Variants in MTUS2 observed in about 807,000 individuals in gnomAD.
The protein encoded by MTUS2 is microtubule-associated tumor suppressor candidate 2.
In MTUS2, 40 loss-of-function variants were observed where a neutral mutation model predicts 114.1. The observed-to-expected ratio is 0.35, with a 90% CI of 0.27 to 0.46. MTUS2 has a LOEUF of 0.46. Ranked by LOEUF, MTUS2 falls within the 20% of genes least tolerant of loss-of-function variation. The probability of loss-of-function intolerance (pLI) is 1.00; values close to 1 mark genes in which losing one functional copy is unlikely to be tolerated. For missense variants in MTUS2, 1,679 were observed against 1,705.4 expected, an observed-to-expected ratio of 0.98 and a Z score of 0.27; for synonymous variants, 688 against 672.0, an observed-to-expected ratio of 1.02 and a Z score of -0.37.
intron 5 of MTUS2, among the ~76,000 whole-genome samples, chr13:29,232,931 A>G (rs1896390306): frequency 6.6e-6 from 1 of 152,158 alleles, no homozygotes; most frequent in African/African-American, 2.4e-5. Context: ...TTTCAACTGA[A>G]TTAGGAGGGA....
At chr13:28,847,996 A>G (rs1354790768) in intron 2 of MTUS2, among the ~76,000 whole-genome samples, 1 of 152,036 alleles carries the variant, frequency 6.6e-6, no homozygotes, top group Admixed American at 6.6e-5. Context: ...CTCACTATAC[A>G]CTTATCTGCA....
At chr13:29,260,932 A>G (rs1462025200) in intron 5 of MTUS2, among the ~76,000 whole-genome samples, 2 of 152,132 alleles carry the variant, frequency 1.3e-5, no homozygotes, top group East Asian at 1.9e-4. Context: ...ACAGGGCAGC[A>G]CTCCTGCCCC....
intron 5 of MTUS2, among the ~76,000 whole-genome samples, chr13:29,260,849 T>C (rs962934558): frequency 6.6e-6 from 1 of 152,184 alleles, no homozygotes; most frequent in African/African-American, 2.4e-5. Context: ...AACTTGGGTA[T>C]GGAGAGAAAG....
rs144759976 is a variant in MTUS2, at chr13:29,197,605, T to G, written c.2645-84099T>G. Among the ~76,000 whole-genome samples the G allele has an allele frequency of 6.5e-3, 996 of 152,328 alleles. 11 individuals are homozygous for G. Among genetic ancestry groups the G allele is most frequent in the African/African-American group, 0.022 (934 of 41,558 alleles). ...AATGGGATCGCTGGGTCAAATGGTA[T>G]TTCTGGTTCTGAATCCTTGAGGAAT... On this transcript the variant is annotated intron_variant, in intron 5 of 15. Transcript: ENST00000612955.
intron 7 of MTUS2, among the ~76,000 whole-genome samples, chr13:29,337,742 C>T (rs1353809308): frequency 1.3e-5 from 2 of 151,146 alleles, no homozygotes; most frequent in Non-Finnish European, 2.9e-5. Flanking sequence ...GCTAGGACTA[C>T]AGGTGCCTGC....
At chr13:28,904,360 T>G (rs942755508) in intron 2 of MTUS2, among the ~76,000 whole-genome samples, 3 of 152,188 alleles carry the variant, frequency 2.0e-5, no homozygotes, top group African/African-American at 7.2e-5. Flanking sequence ...TTGCCTAGGT[T>G]TTCTTCTGGG....
intron 2 of MTUS2, among the ~76,000 whole-genome samples, chr13:28,981,460 C>T (rs1415547366): frequency 6.6e-6 from 1 of 152,080 alleles, no homozygotes; most frequent in African/African-American, 2.4e-5. Flanking sequence ...TGGGACTGTT[C>T]TATATCTTGA....
chr13:29,240,851 T>G (rs1896704443), intron 5 of MTUS2, among the ~76,000 whole-genome samples: 1 of 152,186 alleles, frequency 6.6e-6, no homozygotes, highest in Admixed American at 6.5e-5. Context: ...TATTTTTGAC[T>G]TGCTTTTCTT....
At chr13:29,280,377 G>A (rs1430796395) in intron 5 of MTUS2, among the ~76,000 whole-genome samples, 1 of 152,118 alleles carries the variant, frequency 6.6e-6, no homozygotes, top group African/African-American at 2.4e-5. Flanking sequence ...TAGGGCATAG[G>A]TCCTGTTTTA....
At chr13:29,151,207 A>G (rs781165460) in intron 5 of MTUS2, among the ~76,000 whole-genome samples, 3 of 152,070 alleles carry the variant, frequency 2.0e-5, no homozygotes, top group Admixed American at 6.6e-5. Context: ...ATTATCATCT[A>G]TGATTTCTTT....
At chr13:29,194,096 A>G (rs2139205884) in intron 5 of MTUS2, among the ~76,000 whole-genome samples, 1 of 151,136 alleles carries the variant, frequency 6.6e-6, no homozygotes, top group South Asian at 2.1e-4. Flanking sequence ...AATTAATTCA[A>G]GATGGATTAA....
intron 7 of MTUS2, 79 bp downstream of exon 7, chr13:29,324,790 G>T: frequency 9.3e-7 from 1 of 1,077,546 alleles, no homozygotes; most frequent in Non-Finnish European, 1.4e-6. Context: ...CATTAATGGA[G>T]CAATGCCAAC....
intron 8 of MTUS2, among the ~76,000 whole-genome samples, chr13:29,389,847 GTGTATATATACATACATA>G (rs1873202830): frequency 3.0e-5 from 1 of 33,162 alleles, no homozygotes; most frequent in African/African-American, 9.2e-5. Context: ...ACATACATAT[GTGTATATATACATACATA>G]TGTGTATATA....
At chr13:29,123,567 A>C (rs928493437) in intron 5 of MTUS2, among the ~76,000 whole-genome samples, 4 of 152,092 alleles carry the variant, frequency 2.6e-5, no homozygotes, top group African/African-American at 9.7e-5. Flanking sequence ...AAATACAAAA[A>C]TTAGCTGGGC....
At chr13:28,847,471 C>G (rs1054425820) in intron 2 of MTUS2, among the ~76,000 whole-genome samples, 2 of 151,986 alleles carry the variant, frequency 1.3e-5, no homozygotes, top group African/African-American at 4.8e-5. Flanking sequence ...GGATGTCAGG[C>G]CTGGATTCGT....
intron 5 of MTUS2, among the ~76,000 whole-genome samples, chr13:29,174,792 A>C (rs1286644661): frequency 2.0e-5 from 3 of 152,218 alleles, no homozygotes; most frequent in Non-Finnish European, 4.4e-5. Context: ...CCAGCAGGGC[A>C]CATGGTGATT....
At chr13:29,359,940 A>G (rs1023285709) in intron 8 of MTUS2, among the ~76,000 whole-genome samples, 1 of 152,178 alleles carries the variant, frequency 6.6e-6, no homozygotes, top group East Asian at 1.9e-4. Flanking sequence ...TCTCAAGGCC[A>G]TGCTCACAGT....
intron 5 of MTUS2, among the ~76,000 whole-genome samples, chr13:29,272,734 A>G (rs12870203): frequency 0.039 from 5,876 of 152,314 alleles, 132 homozygotes; most frequent in East Asian, 0.079. Context: ...TTCTTCCCTT[A>G]GCACAGGCTT....
intron 8 of MTUS2, among the ~76,000 whole-genome samples, chr13:29,438,427 T>G (rs560722517): frequency 6.6e-6 from 1 of 152,320 alleles, no homozygotes; most frequent in South Asian, 2.1e-4. Context: ...TTCTGCAGTC[T>G]GGGAAGCCCA....
Sources: allele counts gnomAD v4.1 joint callset (sites outside exome capture counted in the v4.1 genomes callset), GRCh38; gene constraint gnomAD v4.1.1; transcripts MANE v1.5; gene names NCBI Gene and HGNC (gene_info 2026-07-23, HGNC 2026-07-21).